The following MYO3A variants were observed in gnomAD, a reference collection of about 807,000 sequenced individuals.
The protein encoded by MYO3A is myosin IIIA, also known as myosin-IIIa.
A neutral mutation model predicts 192.7 loss-of-function variants in MYO3A; 180 were observed. The observed-to-expected ratio is 0.93, with a 90% CI of 0.83 to 1.06. The LOEUF is 1.06. MYO3A is among the 50% of genes least tolerant of loss of function. MYO3A has a pLI of 0.00. For missense variants in MYO3A, 1,896 were observed against 1,905.0 expected (o/e 1.00, Z 0.09); for synonymous variants, 628 against 645.3 (o/e 0.97, Z 0.41).
intron 15 of MYO3A, among the ~76,000 whole-genome samples, chr10:26,091,864 G>A (rs148993614): frequency 9.2e-5 from 14 of 152,278 alleles, no homozygotes; most frequent in East Asian, 1.9e-4. Context: ...CCAGCCATCC[G>A]TCTATTTGAC....
chr10:26,170,071 A>G (rs1362727487), intron 28 of MYO3A, among the ~76,000 whole-genome samples: 1 of 152,244 alleles, frequency 6.6e-6, no homozygotes, highest in African/African-American at 2.4e-5. Context: ...TCTGAAATGT[A>G]TCTGGCCAAA....
intron 10 of MYO3A, among the ~76,000 whole-genome samples, chr10:26,061,246 A>G (rs1834459343): frequency 6.6e-6 from 1 of 152,102 alleles, no homozygotes; most frequent in African/African-American, 2.4e-5. Context: ...TGTTTTTTGC[A>G]GCTTTGTATC....
chr10:26,017,500 ACTCT>A (rs990115011), intron 7 of MYO3A, among the ~76,000 whole-genome samples: 7 of 151,762 alleles, frequency 4.6e-5, no homozygotes, highest in Non-Finnish European at 8.8e-5. Flanking sequence ...ATTTTTGAAG[ACTCT>A]CTCTACAACT....
intron 4 of MYO3A, among the ~76,000 whole-genome samples, chr10:25,961,546 T>G (rs1837930505): frequency 6.6e-6 from 1 of 151,910 alleles, no homozygotes; most frequent in South Asian, 2.1e-4. Context: ...ATATTGGAAA[T>G]ATCTCTAAAT....
intron 15 of MYO3A, among the ~76,000 whole-genome samples, chr10:26,089,258 C>A (rs541429827): frequency 6.6e-6 from 1 of 152,166 alleles, no homozygotes; most frequent in African/African-American, 2.4e-5. Context: ...TAGAAGTTGC[C>A]TGGAGTCCAG....
At chr10:26,105,107 G>A (rs982082) in intron 17 of MYO3A, among the ~76,000 whole-genome samples, 138,968 of 152,122 alleles carry the variant, frequency 0.91, 63,837 homozygotes, top group African/African-American at 0.97. Context: ...TTATTCAGCC[G>A]TTCAGCCATG....
At chr10:26,183,746 T>C (rs1589097097) in intron 31 of MYO3A, among the ~76,000 whole-genome samples, 1 of 151,796 alleles carries the variant, frequency 6.6e-6, no homozygotes, top group Non-Finnish European at 1.5e-5. Context: ...GGGCTGGGGG[T>C]GGCAGTTGCC....
At chr10:26,098,639 A>C (rs909467785) in intron 17 of MYO3A, among the ~76,000 whole-genome samples, 2 of 152,164 alleles carry the variant, frequency 1.3e-5, no homozygotes, top group Middle Eastern at 3.4e-3. Context: ...TGGCTAGCCA[A>C]TTTTCCCAGC....
chr10:26,174,078 C>T lies in MYO3A; in HGVS notation c.3814C>T (p.Pro1272Ser). The T allele has an allele frequency of 2.5e-6, 4 of 1,614,156 alleles. No individual in the cohort carries two copies. The highest frequency in any genetic ancestry group is 2.5e-6 in the Non-Finnish European group (3 of 1,180,024). Residue 1272 changes from proline to serine, a missense_variant, in exon 30 of 35, where the codon CCT becomes TCT. Physicochemically the swap from Pro to Ser is moderately conservative, Grantham distance 74. Coordinates refer to ENST00000642920, the MANE Select transcript of MYO3A (RefSeq NM_017433.5). ...ATCAGAAAGGCCAAGCTACCCAGTG[C>T]CTTGGTTAGCTGAAAATGAGACTTC... is the stretch of plus-strand genomic sequence containing the variant. ...AISERPSYPV[P>S]WLAENETSFK...
intron 6 of MYO3A, among the ~76,000 whole-genome samples, chr10:25,998,661 G>A (rs569740401): frequency 1.3e-5 from 2 of 152,162 alleles, no homozygotes; most frequent in Admixed American, 1.3e-4. Flanking sequence ...TGGAGAACTT[G>A]CTATTTAACT....
At chr10:26,199,319 G>A (rs185839575) in intron 32 of MYO3A, among the ~76,000 whole-genome samples, 7 of 152,294 alleles carry the variant, frequency 4.6e-5, no homozygotes, top group Admixed American at 2.0e-4. Flanking sequence ...TGGAGAGGCC[G>A]AGGTGGGTGG....
chr10:26,169,116 A>C (rs1379780832), intron 28 of MYO3A, among the ~76,000 whole-genome samples: 1 of 152,224 alleles, frequency 6.6e-6, no homozygotes, highest in African/African-American at 2.4e-5. Flanking sequence ...ATGGAACACA[A>C]TTGACCTATT....
At chr10:25,994,161 G>C (rs1320549700) in intron 4 of MYO3A, among the ~76,000 whole-genome samples, 3 of 151,978 alleles carry the variant, frequency 2.0e-5, no homozygotes, top group Non-Finnish European at 4.4e-5. Flanking sequence ...TCTCTTTGTA[G>C]GTCTCTAAGG....
intron 4 of MYO3A, among the ~76,000 whole-genome samples, chr10:25,974,992 G>T (rs1304398395): frequency 3.3e-5 from 5 of 152,192 alleles, no homozygotes; most frequent in African/African-American, 1.2e-4. Context: ...CCATCTGTAG[G>T]CTGGGAAGTG....
intron 10 of MYO3A, among the ~76,000 whole-genome samples, chr10:26,055,605 T>C (rs10828943): frequency 0.62 from 93,948 of 151,976 alleles, 30,095 homozygotes; most frequent in Middle Eastern, 0.74. Flanking sequence ...ACCTCCAGAT[T>C]AGTCAGGTTC....
intron 10 of MYO3A, among the ~76,000 whole-genome samples, chr10:26,062,247 A>T (rs1339657407): frequency 1.3e-5 from 2 of 148,168 alleles, no homozygotes; most frequent in South Asian, 2.2e-4. Flanking sequence ...GGCATAAAAA[A>T]TTATGGAGGA....
intron 17 of MYO3A, among the ~76,000 whole-genome samples, chr10:26,118,479 C>G (rs12263990): frequency 0.31 from 47,591 of 152,018 alleles, 7,722 homozygotes; most frequent in Middle Eastern, 0.44. Context: ...TCACCTAGAC[C>G]ATTGCAGTAG....
rs753758069 is a variant in MYO3A at position 26,096,470 on chromosome 10, A to G, written c.1652A>G (p.Lys551Arg). ...KLAHYKLPEN[K>R]PPRYLQNDHL... Reference sequence around the variant, plus strand: ...GCCCATTACAAACTGCCTGAAAATAAGCCTCCCAGGTAATCTACCAGGTTG... The same window carrying G: ...GCCCATTACAAACTGCCTGAAAATAGGCCTCCCAGGTAATCTACCAGGTTG... Residue 551 changes from lysine to arginine, a missense_variant, in exon 16 of 35, where the codon AAG becomes AGG. Lys to Arg is a conservative substitution (Grantham distance 26). Coordinates refer to ENST00000642920, the MANE Select transcript of MYO3A (RefSeq NM_017433.5). 2 of 1,613,062 alleles carry G rather than the reference A, an allele frequency of 1.2e-6. No individual in the cohort carries two copies. The highest frequency in any genetic ancestry group is 1.7e-6 in the Non-Finnish European group (2 of 1,179,248).
intron 6 of MYO3A, among the ~76,000 whole-genome samples, chr10:26,010,965 TATTTA>T (rs1172146435): frequency 7.9e-5 from 12 of 152,258 alleles, no homozygotes; most frequent in Non-Finnish European, 1.3e-4. Flanking sequence ...TGTTAAATAC[TATTTA>T]ATTAAATAAG....
Sources: gnomAD v4.1 joint callset for allele counts (sites outside exome capture counted in the v4.1 genomes callset) on GRCh38, gnomAD v4.1.1 for gene constraint, MANE v1.5 for transcripts, NCBI Gene and HGNC (gene_info 2026-07-23, HGNC 2026-07-21) for gene names.